The following CSMD1 variants were observed in gnomAD, a reference collection of about 807,000 sequenced individuals.
The protein encoded by CSMD1 is CUB and Sushi multiple domains 1.
In CSMD1, 213 loss-of-function variants were observed where a neutral mutation model predicts 417.5. That is an observed-to-expected ratio of 0.51 (90% CI 0.46 to 0.57). CSMD1 has a LOEUF of 0.57. Among genes scored for constraint, CSMD1 ranks in the 20% least tolerant of loss-of-function variants. CSMD1 has a pLI of 0.00. For missense variants in CSMD1, 6,923 were observed against 4,529.7 expected, an observed-to-expected ratio of 1.53 and a Z score of -15.17; for synonymous variants, 2,862 against 1,736.8, an observed-to-expected ratio of 1.65 and a Z score of -16.11.
intron 5 of CSMD1, among the ~76,000 whole-genome samples, chr8:3,892,403 T>A (rs972610307): frequency 3.3e-5 from 5 of 152,250 alleles, no homozygotes; most frequent in African/African-American, 1.2e-4. Context: ...ACACAGATCA[T>A]CAAGGAGAAC....
chr8:3,408,687 G>A (rs541038577), intron 13 of CSMD1, among the ~76,000 whole-genome samples: 1 of 151,520 alleles, frequency 6.6e-6, no homozygotes, highest in South Asian at 2.1e-4. Flanking sequence ...TTAGTTACAG[G>A]GTAAACATGA....
intron 3 of CSMD1, among the ~76,000 whole-genome samples, chr8:4,190,863 C>G (rs539488475): frequency 6.6e-6 from 1 of 151,994 alleles, no homozygotes; most frequent in South Asian, 2.1e-4. Context: ...AAACCAAATA[C>G]CACATGATCT....
intron 1 of CSMD1, among the ~76,000 whole-genome samples, chr8:4,716,757 A>C (rs970392712): frequency 1.3e-5 from 2 of 152,204 alleles, no homozygotes; most frequent in Admixed American, 6.5e-5. Context: ...CTGAGGTCTA[A>C]ATAAACAAGT....
intron 4 of CSMD1, among the ~76,000 whole-genome samples, chr8:4,015,022 A>C (rs1796453573): frequency 6.6e-6 from 1 of 152,208 alleles, no homozygotes; most frequent in Non-Finnish European, 1.5e-5. Flanking sequence ...GTTTACTAGA[A>C]TCTAAGACTG....
At chr8:4,832,292 T>A (rs1797009717) in intron 1 of CSMD1, among the ~76,000 whole-genome samples, 2 of 152,110 alleles carry the variant, frequency 1.3e-5, no homozygotes. Context: ...AGATGTTCAG[T>A]CCTTAGCGCA....
At chr8:4,743,152 G>T (rs1406801043) in intron 1 of CSMD1, among the ~76,000 whole-genome samples, 2 of 152,116 alleles carry the variant, frequency 1.3e-5, no homozygotes, top group Non-Finnish European at 2.9e-5. Flanking sequence ...TTTAACAGAG[G>T]AGATCACATT....
At chr8:4,702,108 G>C (rs544476441) in intron 1 of CSMD1, among the ~76,000 whole-genome samples, 1 of 152,146 alleles carries the variant, frequency 6.6e-6, no homozygotes, top group South Asian at 2.1e-4. Context: ...GAGCCTGTCA[G>C]GGATGAGGTG....
At chr8:4,691,368 C>T (rs962945741) in intron 1 of CSMD1, among the ~76,000 whole-genome samples, 2 of 152,168 alleles carry the variant, frequency 1.3e-5, no homozygotes, top group Non-Finnish European at 2.9e-5. Context: ...GGCCCACTCA[C>T]CTAGATAGAC....
chr8:4,530,344 T>TTTTTTTTTTTTTG (rs1796743183), intron 2 of CSMD1, among the ~76,000 whole-genome samples: 1 of 120,320 alleles, frequency 8.3e-6, no homozygotes, highest in Non-Finnish European at 1.7e-5. Context: ...TTTTTTTTTT[T>TTTTTTTTTTTTTG]ACTTTCAGTG....
intron 18 of CSMD1, among the ~76,000 whole-genome samples, chr8:3,380,752 G>A (rs1003906269): frequency 3.3e-5 from 5 of 152,086 alleles, no homozygotes; most frequent in Non-Finnish European, 1.5e-5. Context: ...AGAATGCAGG[G>A]CTAGGGGAGG....
At chr8:3,763,345 G>A (rs1798111354) in intron 5 of CSMD1, among the ~76,000 whole-genome samples, 3 of 152,124 alleles carry the variant, frequency 2.0e-5, no homozygotes, top group Non-Finnish European at 2.9e-5. Flanking sequence ...TTGGTGTCAT[G>A]GGGGCAGAAC....
intron 3 of CSMD1, among the ~76,000 whole-genome samples, chr8:4,254,182 G>T (rs1014090390): frequency 2.0e-5 from 3 of 152,038 alleles, no homozygotes; most frequent in African/African-American, 7.2e-5. Flanking sequence ...CTCCCAAAGT[G>T]ATGGGACTGC....
intron 12 of CSMD1, among the ~76,000 whole-genome samples, chr8:3,446,594 C>T (rs148546306): frequency 6.6e-6 from 1 of 152,148 alleles, no homozygotes; most frequent in Admixed American, 6.6e-5. Context: ...TAAACAGATT[C>T]TCCTAACAAA....
At chr8:4,366,651 G>C (rs1802090624) in intron 3 of CSMD1, among the ~76,000 whole-genome samples, 1 of 151,606 alleles carries the variant, frequency 6.6e-6, no homozygotes. Context: ...ATCTCATCGT[G>C]GTTTTGATTT....
At chr8:3,605,558 G>C (rs1364013794) in intron 8 of CSMD1, among the ~76,000 whole-genome samples, 1 of 152,150 alleles carries the variant, frequency 6.6e-6, no homozygotes, top group Non-Finnish European at 1.5e-5. Context: ...CTATGGATTT[G>C]TTTCTGCTTC....
intron 3 of CSMD1, among the ~76,000 whole-genome samples, chr8:4,158,931 T>C (rs1221804244): frequency 6.6e-6 from 1 of 152,220 alleles, no homozygotes; most frequent in Non-Finnish European, 1.5e-5. Context: ...ATTATTTGTT[T>C]TTTGAGACAG....
intron 54 of CSMD1, among the ~76,000 whole-genome samples, chr8:2,988,524 G>A (rs967824000): frequency 2.6e-5 from 4 of 152,124 alleles, no homozygotes; most frequent in African/African-American, 4.8e-5. Context: ...TAGAATAGGG[G>A]ACAAAGTTTC....
intron 3 of CSMD1, among the ~76,000 whole-genome samples, chr8:4,111,029 C>T (rs546658536): frequency 3.4e-4 from 51 of 151,832 alleles, no homozygotes; most frequent in African/African-American, 9.2e-4. Flanking sequence ...GGACTCCCTG[C>T]GAAAGGAAAT....
chr8:4,962,925 C>A (rs1809603671), intron 1 of CSMD1, among the ~76,000 whole-genome samples: 1 of 152,162 alleles, frequency 6.6e-6, no homozygotes. Flanking sequence ...GGTAGTAAAG[C>A]AGGATGAGAG....
Sources: gnomAD v4.1 joint callset for allele counts (sites outside exome capture counted in the v4.1 genomes callset) on GRCh38, gnomAD v4.1.1 for gene constraint, MANE v1.5 for transcripts, NCBI Gene and HGNC (gene_info 2026-07-23, HGNC 2026-07-21) for gene names.